PLD3: variants seen among roughly 807,000 people sequenced by gnomAD.
PLD3 encodes the protein 5'-3' exonuclease PLD3.
A neutral mutation model predicts 58.4 loss-of-function variants in PLD3; 31 were observed. The ratio of observed to expected loss-of-function variants is 0.53; its 90% CI spans 0.40 to 0.72. The LOEUF is 0.72. Among genes scored for constraint, PLD3 ranks in the 30% least tolerant of loss-of-function variants. The pLI, the probability that PLD3 is intolerant of heterozygous loss-of-function variation, is 0.00. For missense variants in PLD3, 595 were observed against 659.8 expected, an observed-to-expected ratio of 0.90 and a Z score of 1.08; for synonymous variants, 264 against 273.4, an observed-to-expected ratio of 0.97 and a Z score of 0.34.
chr19:40,356,731 G>A (rs936245215), intron 1 of PLD3: 7 of 152,732 alleles, frequency 4.6e-5, no homozygotes, highest in African/African-American at 1.7e-4. Context: ...CTGGAGTCAG[G>A]GGAAAGGAGG....
chr19:40,353,909 T>TTTA (rs1191365348), intron 1 of PLD3, among the ~76,000 whole-genome samples: 2 of 140,804 alleles, frequency 1.4e-5, no homozygotes, highest in African/African-American at 2.7e-5. Flanking sequence ...TTCTTTATTT[T>TTTA]TTTGAGACAG....
chr19:40,350,178 C>G (rs541348041), intron 1 of PLD3, among the ~76,000 whole-genome samples: 1 of 137,388 alleles, frequency 7.3e-6, no homozygotes. Flanking sequence ...GAGAATCGTT[C>G]GAATCTGAGA....
intron 10 of PLD3, 149 bp downstream of exon 10, chr19:40,374,769 G>A (rs1033248197): frequency 1.7e-5 from 13 of 783,154 alleles, no homozygotes; most frequent in Middle Eastern, 3.2e-4. Context: ...GGAGGTGACC[G>A]GAAGAAGGTA....
At chr19:40,366,198 A>G in intron 2 of PLD3, 1 of 527,308 alleles carries the variant, frequency 1.9e-6, no homozygotes, top group Non-Finnish European at 3.4e-6. Flanking sequence ...TGATGGGGGC[A>G]GGGTGGGCAC....
intron 1 of PLD3, among the ~76,000 whole-genome samples, chr19:40,351,798 T>A (rs559356009): frequency 1.3e-5 from 2 of 152,238 alleles, no homozygotes; most frequent in Admixed American, 1.3e-4. Context: ...CAGGAGGATG[T>A]GGAGCCGAGG....
chr19:40,348,749 G>T lies in PLD3; in HGVS notation c.-298G>T. 2.2e-6 allele frequency: 1 copy of T among 455,056 alleles called. No individual in the cohort carries two copies. The highest frequency in any genetic ancestry group is 3.8e-6 in the Non-Finnish European group (1 of 261,114). The allele number at this position is 455,056 out of a possible 1,614,324, so 28.2% of individuals were successfully genotyped here. A position where few individuals can be genotyped will look rare whatever the true frequency, so the allele number is the denominator to read the frequency against. On this transcript the variant is annotated 5_prime_UTR_variant, in exon 1 of 13. Transcript: ENST00000409735. ...GGTGCGTGTGGGGCTGGGTCTCGGAGTGGGAGACGTGGAGTGCAGGTACTG... is the reference window on the plus strand; with the variant it reads ...GGTGCGTGTGGGGCTGGGTCTCGGATTGGGAGACGTGGAGTGCAGGTACTG...
Position 40,378,308 on chromosome 19 carries a change from C to CACCTCT in PLD3, c.*141_*146dup, listed in dbSNP as rs1412706458. 1.2e-6 allele frequency: 1 copy of CACCTCT among 829,024 alleles called. No homozygotes were observed. The highest frequency in any genetic ancestry group is 2.0e-6 in the Non-Finnish European group (1 of 491,120). 51.4% of individuals were successfully genotyped at this position (829,024 alleles called of 1,614,324 possible). Reference sequence around the variant, plus strand: ...CCTCAGGCTCTCTCCCCTGCTCTCCCACCTCTACCTCCACCCCCACCGGCC... The same window carrying CACCTCT: ...CCTCAGGCTCTCTCCCCTGCTCTCCCACCTCTACCTCTACCTCCACCCCCACCGGCC... On this transcript the variant is annotated 3_prime_UTR_variant, in exon 13 of 13. Transcript: ENST00000409735.
chr19:40,368,289 T>A (rs1486386223), intron 6 of PLD3, among the ~76,000 whole-genome samples: 2 of 152,134 alleles, frequency 1.3e-5, no homozygotes, highest in Non-Finnish European at 2.9e-5. Context: ...ATCTGTAAAA[T>A]GGGGCCAATT....
intron 1 of PLD3, among the ~76,000 whole-genome samples, chr19:40,351,502 G>A (rs1051578633): frequency 6.6e-6 from 1 of 151,982 alleles, no homozygotes. Flanking sequence ...CTGAGATTGC[G>A]CCATTGCACT....
intron 8 of PLD3, chr19:40,371,437 C>T (rs1012556615): frequency 1.8e-6 from 1 of 547,402 alleles, no homozygotes; most frequent in Non-Finnish European, 3.3e-6. Context: ...TAGAAGCTAG[C>T]TCAGTGGAGG....
intron 2 of PLD3, chr19:40,366,156 A>C (rs2078916495): frequency 7.0e-6 from 3 of 427,998 alleles, no homozygotes; most frequent in East Asian, 5.2e-5. Flanking sequence ...AGGAGGGAGA[A>C]GGGGGCTGCT....
At chr19:40,350,462 C>T (rs1186912633) in intron 1 of PLD3, among the ~76,000 whole-genome samples, 2 of 151,372 alleles carry the variant, frequency 1.3e-5, no homozygotes, top group Admixed American at 1.3e-4. Context: ...AAAAATATCT[C>T]GGCCTGGCGC....
At chr19:40,362,043 G>C (rs1322278306) in intron 1 of PLD3, among the ~76,000 whole-genome samples, 5 of 151,928 alleles carry the variant, frequency 3.3e-5, no homozygotes, top group Admixed American at 3.3e-4. Context: ...CGCCATGTTG[G>C]CCAGGCTGGT....
At chr19:40,353,999 T>C (rs1568647460) in intron 1 of PLD3, among the ~76,000 whole-genome samples, 1 of 150,166 alleles carries the variant, frequency 6.7e-6, no homozygotes, top group East Asian at 2.0e-4. Flanking sequence ...GCTCAAGCCA[T>C]CCTCTTGCTT....
intron 2 of PLD3, 143 bp from the exon 3 acceptor site, chr19:40,366,276 C>T: frequency 4.9e-6 from 3 of 617,260 alleles, no homozygotes; most frequent in Non-Finnish European, 8.7e-6. Context: ...TGACCAGTGA[C>T]CAGCTTCCTC....
At chr19:40,355,343 G>A (rs1276231850) in intron 1 of PLD3, among the ~76,000 whole-genome samples, 5 of 146,348 alleles carry the variant, frequency 3.4e-5, no homozygotes, top group Non-Finnish European at 7.5e-5. Context: ...ACAGAGTTTC[G>A]CTCTTGTTGC....
In PLD3 at chr19:40,370,215, T is replaced by C. The variant is rs1269941554; in HGVS notation, c.656T>C (p.Met219Thr). The C allele has an allele frequency of 5.6e-6, 9 of 1,613,742 alleles. No individual in the cohort carries two copies. Among genetic ancestry groups the C allele is most frequent in the East Asian group, 2.2e-5 (1 of 44,888 alleles). The change falls in exon 8 of 13, where the codon ATG (methionine) becomes ACG (threonine). Residue 219 changes from methionine (M) to threonine (T), a missense_variant. Physicochemically the swap from Met to Thr is moderately conservative, Grantham distance 81. Transcript: ENST00000409735. ...QTHFYLGSANMDWRSLTQVKE... is the reference protein window; with the variant it reads ...QTHFYLGSANTDWRSLTQVKE... ...CACTTCTACCTGGGCAGTGCCAACA[T>C]GGACTGGCGTTCACTGACCCAGGTC...
intron 2 of PLD3, 33 bp downstream of exon 2, chr19:40,365,963 C>G (rs2145684247): frequency 6.4e-6 from 1 of 156,220 alleles, no homozygotes; most frequent in Admixed American, 6.4e-5. Flanking sequence ...GGGGGATGGG[C>G]AGCGGGGTGG....
intron 1 of PLD3, among the ~76,000 whole-genome samples, chr19:40,361,109 C>G (rs2078771145): frequency 6.6e-6 from 1 of 151,922 alleles, no homozygotes; most frequent in South Asian, 2.1e-4. Flanking sequence ...TAGGGAGATC[C>G]TCATCTCTTT....
Sources: gnomAD v4.1 joint callset for allele counts (sites outside exome capture counted in the v4.1 genomes callset) on GRCh38, gnomAD v4.1.1 for gene constraint, MANE v1.5 for transcripts, NCBI Gene and HGNC (gene_info 2026-07-23, HGNC 2026-07-21) for gene names.